The following KBTBD3 variants were observed in gnomAD, a reference collection of about 807,000 sequenced individuals.
The protein encoded by KBTBD3 is kelch repeat and BTB domain-containing protein 3.
Under a neutral mutation model 49.6 loss-of-function variants are expected in KBTBD3, and 38 were observed. The ratio of observed to expected loss-of-function variants is 0.77; its 90% CI spans 0.59 to 1.00. The LOEUF (loss-of-function observed/expected upper bound fraction) is 1.00. Among genes scored for constraint, KBTBD3 ranks in the 50% least tolerant of loss-of-function variants. KBTBD3 has a pLI of 0.00. For synonymous variants in KBTBD3, 214 were observed against 250.4 expected (o/e 0.85, Z 1.37); for missense variants, 661 against 712.0 (o/e 0.93, Z 0.81).
chr11:106,073,787 G>T (rs1185972464), intron 2 of KBTBD3, among the ~76,000 whole-genome samples: 2 of 152,240 alleles, frequency 1.3e-5, no homozygotes, highest in Non-Finnish European at 2.9e-5. Context: ...TAGGGCTGCA[G>T]AAGGCAGTTG....
chr11:106,055,551 A>T (rs1435964511), intron 3 of KBTBD3, among the ~76,000 whole-genome samples: 1 of 152,186 alleles, frequency 6.6e-6, no homozygotes. Flanking sequence ...CTGTGATAAT[A>T]ATTATATGGA....
intron 2 of KBTBD3, among the ~76,000 whole-genome samples, chr11:106,075,309 T>A (rs949256423): frequency 6.6e-6 from 1 of 152,200 alleles, no homozygotes; most frequent in African/African-American, 2.4e-5. Context: ...TATATTTCCT[T>A]AATAAAAGTG....
At position 106,053,311 on chromosome 11, in the gene KBTBD3, C is replaced by T. The variant is rs1424249887; in HGVS notation, c.1378G>A (p.Gly460Arg). Residue 460 changes from glycine to arginine, a missense_variant, in exon 4 of 4, where the codon GGA becomes AGA. Gly to Arg is a moderately radical substitution (Grantham distance 125). Transcript: ENST00000531837. ...GCATCTGTAATCTCTACCTCTGATC[C>T]AAGAACATAAATTACATTTTGGCAT... The part of the protein sequence containing the change: ...STCQNVIYVL[G>R]SEVEITDAFN... The T allele has an allele frequency of 6.2e-7, 1 of 1,613,420 alleles. No individual in the cohort carries two copies. The highest frequency in any genetic ancestry group is 2.2e-5 in the East Asian group (1 of 44,874).
chr11:106,063,921 C>T (rs574501979), intron 2 of KBTBD3, among the ~76,000 whole-genome samples: 11 of 152,240 alleles, frequency 7.2e-5, no homozygotes, highest in African/African-American at 2.6e-4. Context: ...CAGAGAGAGA[C>T]TCTGTCTCAA....
In KBTBD3 at chr11:106,054,183, A is replaced by T; in HGVS notation, c.506T>A (p.Leu169Ter). Residue 169 changes from leucine (L) to a stop codon, truncating the protein, a stop_gained, in exon 4 of 4, where the codon TTG (leucine) becomes TAG (stop). Transcript: ENST00000531837. LOFTEE classifies it high-confidence loss of function. ...SISDSYGSTS[L>*]FDHALHFVQH... Reference sequence around the variant, plus strand: ...TACAAAGTGTAATGCATGATCAAACAAACTGGTGGAGCCATAGCTATCTGA... The same window carrying T: ...TACAAAGTGTAATGCATGATCAAACTAACTGGTGGAGCCATAGCTATCTGA... 1 of 1,613,146 alleles carries T rather than the reference A, an allele frequency of 6.2e-7. No individual in the cohort carries two copies. The highest frequency in any genetic ancestry group is 8.5e-7 in the Non-Finnish European group (1 of 1,179,488).
At chr11:106,055,004 TA>T (rs1251746851) in intron 3 of KBTBD3, among the ~76,000 whole-genome samples, 3 of 152,082 alleles carry the variant, frequency 2.0e-5, no homozygotes, top group African/African-American at 7.2e-5. Context: ...ATATTTTATA[TA>T]GTTCTTTAGG....
Position 106,054,093 on chromosome 11 carries a change from T to A in KBTBD3, c.596A>T (p.Gln199Leu), listed in dbSNP as rs764681173. 3 of 1,613,444 alleles carry A rather than the reference T, an allele frequency of 1.9e-6. No homozygotes were observed. In the African/African-American group the frequency reaches 4.0e-5, roughly 22 times the overall value. ...TAATTCATCTGATTCCAGACATTTC[T>A]GTAGTACTCCAAAATTCATCTCTAA... ...DFLEMNFGVL[Q>L]KCLESDELNV... The change falls in exon 4 of 4, where the codon CAG (glutamine) becomes CTG (leucine). Residue 199 changes from glutamine to leucine, a missense_variant. Transcript: ENST00000531837.
chr11:106,058,788 G>A, intron 3 of KBTBD3, 77 bp downstream of exon 3: 1 of 818,328 alleles, frequency 1.2e-6, no homozygotes. Flanking sequence ...TTCTTGTGGG[G>A]AAAAACTTGA....
chr11:106,058,006 G>A, intron 3 of KBTBD3: 1 of 398,438 alleles, frequency 2.5e-6, no homozygotes, highest in Non-Finnish European at 4.4e-6. Context: ...CGTAGTTCAA[G>A]GGATTAATGT....
At chr11:106,054,514 A>C in intron 3 of KBTBD3, 59 bp from the exon 4 acceptor site, 5 of 1,328,482 alleles carry the variant, frequency 3.8e-6, no homozygotes, top group East Asian at 2.5e-5. Context: ...AATTATTTTC[A>C]ATATTACCTT....
chr11:106,068,732 A>AGAC (rs1860859757), intron 2 of KBTBD3, among the ~76,000 whole-genome samples: 1 of 151,358 alleles, frequency 6.6e-6, no homozygotes, highest in South Asian at 2.1e-4. Context: ...GACGGTACCC[A>AGAC]AAACAAACAA....
intron 2 of KBTBD3, among the ~76,000 whole-genome samples, chr11:106,065,407 T>C (rs1214160302): frequency 6.6e-6 from 1 of 152,084 alleles, no homozygotes; most frequent in Non-Finnish European, 1.5e-5. Flanking sequence ...TAGTGGAAAA[T>C]AGAATTTGTG....
intron 2 of KBTBD3, among the ~76,000 whole-genome samples, chr11:106,063,112 C>T (rs1337215309): frequency 6.6e-6 from 1 of 152,230 alleles, no homozygotes; most frequent in African/African-American, 2.4e-5. Flanking sequence ...CCCTCTGTAG[C>T]CAGCCCTCTT....
intron 2 of KBTBD3, among the ~76,000 whole-genome samples, chr11:106,074,016 A>C (rs1228714704): frequency 6.6e-6 from 1 of 152,152 alleles, no homozygotes; most frequent in Non-Finnish European, 1.5e-5. Context: ...TGGAGTAACA[A>C]ATATTGTGGC....
At chr11:106,076,148 A>G (rs1277128262) in intron 2 of KBTBD3, 3 of 152,224 alleles carry the variant, frequency 2.0e-5, no homozygotes, top group Non-Finnish European at 2.9e-5. Context: ...CATTGCTGAT[A>G]TGGGTATTAG....
rs113411072 is a variant in KBTBD3 at position 106,061,547 on chromosome 11, C to A, written c.-12-2438G>T. Among the ~76,000 whole-genome samples the A allele has an allele frequency of 8.3e-3, 1,267 of 152,192 alleles. 21 individuals carry two copies. The highest frequency in any genetic ancestry group is 0.029 in the African/African-American group (1,195 of 41,522). The stretch of plus-strand genomic sequence containing the variant: ...ATTTGAATTGGTACACTGAGTAAAG[C>A]AGATTGTCCTCCCCACTGTAGATGT... On this transcript the variant is annotated intron_variant, in intron 2 of 3. Transcript: ENST00000531837.
intron 2 of KBTBD3, among the ~76,000 whole-genome samples, chr11:106,064,874 T>C (rs1860774444): frequency 6.6e-6 from 1 of 152,206 alleles, no homozygotes; most frequent in Non-Finnish European, 1.5e-5. Context: ...AATCGCTCTA[T>C]ATTTTCATCC....
intron 2 of KBTBD3, among the ~76,000 whole-genome samples, chr11:106,070,537 G>T (rs1860897911): frequency 6.6e-6 from 1 of 151,988 alleles, no homozygotes; most frequent in African/African-American, 2.4e-5. Context: ...AATTAAGACT[G>T]CAATAAATAT....
In KBTBD3 at chr11:106,052,833, G is replaced by T; in HGVS notation, c.*17C>A. On this transcript the variant is annotated 3_prime_UTR_variant, in exon 4 of 4. Coordinates refer to ENST00000531837, the MANE Select transcript of KBTBD3 (RefSeq NM_198439.3). Reference sequence around the variant, plus strand: ...AATTTACTTTAGGTTACTAGAACTGGACTCGTTTTAGAATGTTCAAGCACA... The same window carrying T: ...AATTTACTTTAGGTTACTAGAACTGTACTCGTTTTAGAATGTTCAAGCACA... The T allele has an allele frequency of 6.3e-7, 1 of 1,582,800 alleles. No individual in the cohort carries two copies.
Sources: allele counts gnomAD v4.1 joint callset (sites outside exome capture counted in the v4.1 genomes callset), GRCh38; gene constraint gnomAD v4.1.1; transcripts MANE v1.5; gene names NCBI Gene and HGNC (gene_info 2026-07-23, HGNC 2026-07-21).